The following CPQ variants were observed in gnomAD, a reference collection of about 807,000 sequenced individuals.
The protein encoded by CPQ is carboxypeptidase Q.
A neutral mutation model predicts 45.7 loss-of-function variants in CPQ; 37 were observed. That is an observed-to-expected ratio of 0.81 (90% CI 0.62 to 1.07). The LOEUF (loss-of-function observed/expected upper bound fraction) is 1.07. Ranked by LOEUF, CPQ falls within the 50% of genes least tolerant of loss-of-function variation. The probability of loss-of-function intolerance (pLI) is 0.00; values close to 1 mark genes in which losing one functional copy is unlikely to be tolerated. For missense variants in CPQ, 537 were observed against 572.9 expected (o/e 0.94, Z 0.64); for synonymous variants, 186 against 205.8 (o/e 0.90, Z 0.82).
chr8:96,809,567 G>A (rs930120823), intron 2 of CPQ, among the ~76,000 whole-genome samples: 1 of 152,146 alleles, frequency 6.6e-6, no homozygotes, highest in African/African-American at 2.4e-5. Context: ...ATCAGATAGT[G>A]GTTTTCAGGG....
chr8:97,045,470 C>T (rs1427833189), intron 6 of CPQ, among the ~76,000 whole-genome samples: 1 of 152,212 alleles, frequency 6.6e-6, no homozygotes, highest in Non-Finnish European at 1.5e-5. Context: ...CCTCCTTCAG[C>T]TCGCGCACGA....
At chr8:96,847,145 C>T (rs1160993645) in intron 3 of CPQ, among the ~76,000 whole-genome samples, 1 of 152,130 alleles carries the variant, frequency 6.6e-6, no homozygotes, top group East Asian at 1.9e-4. Context: ...CTCTGGATTT[C>T]TTTATCGAAA....
chr8:96,700,826 T>TC (rs564701449), intron 1 of CPQ, among the ~76,000 whole-genome samples: 72 of 152,158 alleles, frequency 4.7e-4, no homozygotes, highest in Non-Finnish European at 7.4e-4. Context: ...AGAAGAACTT[T>TC]CCCCCTGTCT....
rs917627564 is a variant in CPQ, at chr8:96,866,944, C to CA, written c.642-12846dup. Among the ~76,000 whole-genome samples, 27 of 151,766 alleles carry CA rather than the reference C, an allele frequency of 1.8e-4. No individual in the cohort carries two copies. The East Asian group carries it at 4.1e-3, about 23-fold the overall frequency. The stretch of plus-strand genomic sequence containing the variant: ...CTGTTTATACTTTGACTTTGTGGTT[C>CA]AAAAAAAATACATTTGCCTACTTCA... On this transcript the variant is annotated intron_variant, in intron 3 of 7. Coordinates refer to ENST00000220763, the MANE Select transcript of CPQ (RefSeq NM_016134.4).
intron 5 of CPQ, among the ~76,000 whole-genome samples, chr8:96,978,326 G>T (rs1813824086): frequency 6.6e-6 from 1 of 152,120 alleles, no homozygotes; most frequent in African/African-American, 2.4e-5. Flanking sequence ...TGTGTAAATT[G>T]ATTTGCAAAA....
intron 5 of CPQ, among the ~76,000 whole-genome samples, chr8:97,013,194 C>T (rs536001353): frequency 2.6e-5 from 4 of 152,060 alleles, no homozygotes; most frequent in South Asian, 2.1e-4. Flanking sequence ...GCAGGAGAAT[C>T]GCTTGAACCT....
rs1473602166 is a variant in CPQ at position 97,023,020 on chromosome 8, A to ATATATATACAGTATATATACAG, written c.962-6373_962-6352dup. On this transcript the variant is annotated intron_variant, in intron 5 of 7. Coordinates refer to ENST00000220763, the MANE Select transcript of CPQ (RefSeq NM_016134.4). ...ACAGTATATATATACTATATATAGTATATATATACAGTATATATACAGTAT... is the reference window on the plus strand; with the variant it reads ...ACAGTATATATATACTATATATAGTATATATATACAGTATATATACAGTATATATACAGTATATATACAGTAT... Among the ~76,000 whole-genome samples the ATATATATACAGTATATATACAG allele has an allele frequency of 3.7e-4, 54 of 146,816 alleles. No individual in the cohort carries two copies. In the East Asian group the frequency reaches 3.8e-3, roughly 10 times the overall value.
intron 3 of CPQ, among the ~76,000 whole-genome samples, chr8:96,867,447 G>A (rs1812009692): frequency 6.6e-6 from 1 of 151,980 alleles, no homozygotes; most frequent in Non-Finnish European, 1.5e-5. Flanking sequence ...TTATAGTCCG[G>A]TTGGTAGAGT....
rs1190739248 is a variant in CPQ at position 96,815,808 on chromosome 8, AGT to A, written c.434-19164_434-19163del. Among the ~76,000 whole-genome samples, 172 of 152,272 alleles carry A rather than the reference AGT, an allele frequency of 1.1e-3. 1 individual carries two copies. Among genetic ancestry groups the A allele is most frequent in the African/African-American group, 3.7e-3 (153 of 41,568 alleles). On this transcript the variant is annotated intron_variant, in intron 2 of 7. Transcript: ENST00000220763. ...TCACAATAAAATTTTTTGGTTTCCCAGTACATATAAAAGTTATGTAGTCTATT... is the reference window on the plus strand; with the variant it reads ...TCACAATAAAATTTTTTGGTTTCCCAACATATAAAAGTTATGTAGTCTATT...
At chr8:97,021,179 A>G (rs544992987) in intron 5 of CPQ, among the ~76,000 whole-genome samples, 1 of 152,340 alleles carries the variant, frequency 6.6e-6, no homozygotes, top group East Asian at 1.9e-4. Flanking sequence ...GCTTCCCTTT[A>G]TGATTAAAAC....
At chr8:97,122,918 A>AAATT in intron 7 of CPQ, among the ~76,000 whole-genome samples, 1 of 64,796 alleles carries the variant, frequency 1.5e-5, no homozygotes, top group Non-Finnish European at 2.5e-5. Context: ...AAAATAAAAT[A>AAATT]AAATAAAATA....
intron 1 of CPQ, among the ~76,000 whole-genome samples, chr8:96,674,055 C>T (rs1809041128): frequency 1.3e-5 from 2 of 152,074 alleles, no homozygotes; most frequent in Non-Finnish European, 2.9e-5. Flanking sequence ...CTAGAAGCAA[C>T]AAAACTAATC....
intron 2 of CPQ, among the ~76,000 whole-genome samples, chr8:96,795,728 T>G (rs930963719): frequency 2.0e-5 from 3 of 152,116 alleles, no homozygotes; most frequent in African/African-American, 7.2e-5. Context: ...TTTTTTCTCT[T>G]CTTTTAAATA....
Position 96,784,934 on chromosome 8 carries a change from C to T in CPQ, c.37C>T (p.His13Tyr). The T allele has an allele frequency of 6.2e-7, 1 of 1,611,080 alleles. No individual in the cohort carries two copies. Among genetic ancestry groups the T allele is most frequent in the Non-Finnish European group, 8.5e-7 (1 of 1,178,768 alleles). Residue 13 changes from histidine (H) to tyrosine (Y), a missense_variant, in exon 2 of 8, where the codon CAC becomes TAC. His to Tyr is a moderately conservative substitution (Grantham distance 83). Transcript: ENST00000220763. Reference protein sequence around the residue: ...FLIFAFFGGVHLLSLCSGKAI... With the variant: ...FLIFAFFGGVYLLSLCSGKAI... ...TATCTTCGCATTTTTCGGTGGTGTT[C>T]ACCTTTTATCCCTGTGCTCTGGGAA...
intron 2 of CPQ, among the ~76,000 whole-genome samples, chr8:96,796,943 A>C (rs1330380078): frequency 2.6e-5 from 4 of 152,176 alleles, no homozygotes; most frequent in Non-Finnish European, 5.9e-5. Context: ...ACCAGCTATG[A>C]ATATCTTACA....
intron 1 of CPQ, among the ~76,000 whole-genome samples, chr8:96,659,782 A>G (rs533459255): frequency 6.6e-6 from 1 of 152,292 alleles, no homozygotes; most frequent in East Asian, 1.9e-4. Context: ...CCTTTCCTGA[A>G]TCCTTTTCTT....
At chr8:96,927,757 C>T (rs1376708642) in intron 4 of CPQ, among the ~76,000 whole-genome samples, 3 of 152,188 alleles carry the variant, frequency 2.0e-5, no homozygotes, top group Non-Finnish European at 4.4e-5. Context: ...AGAAACACAT[C>T]AGAGAGGAAT....
chr8:96,715,564 T>C (rs1464164944), intron 1 of CPQ, among the ~76,000 whole-genome samples: 1 of 152,152 alleles, frequency 6.6e-6, no homozygotes, highest in African/African-American at 2.4e-5. Flanking sequence ...GTATCTGCAA[T>C]GGTGGATGAG....
intron 6 of CPQ, among the ~76,000 whole-genome samples, chr8:97,041,207 G>A (rs1218247700): frequency 2.6e-5 from 4 of 152,128 alleles, no homozygotes; most frequent in African/African-American, 7.2e-5. Flanking sequence ...CACATCCCTT[G>A]TAAGTTGGAT....
Sources: allele counts gnomAD v4.1 joint callset (sites outside exome capture counted in the v4.1 genomes callset), GRCh38; gene constraint gnomAD v4.1.1; transcripts MANE v1.5; gene names NCBI Gene and HGNC (gene_info 2026-07-23, HGNC 2026-07-21).